SVIL: variants seen among roughly 807,000 people sequenced by gnomAD.
SVIL encodes the protein archvillin.
SVIL carries 101 observed loss-of-function variants against 240.4 expected under a neutral mutation model. The ratio of observed to expected loss-of-function variants is 0.42; its 90% CI spans 0.36 to 0.50. The LOEUF (loss-of-function observed/expected upper bound fraction) is 0.50. Ranked by LOEUF, SVIL falls within the 20% of genes least tolerant of loss-of-function variation. SVIL has a pLI of 0.01. For missense variants in SVIL, 2,512 were observed against 2,818.7 expected (o/e 0.89, Z 2.46); for synonymous variants, 999 against 1,100.0 (o/e 0.91, Z 1.82).
intron 3 of SVIL, among the ~76,000 whole-genome samples, chr10:29,644,199 C>A (rs960132668): frequency 6.6e-6 from 1 of 152,152 alleles, no homozygotes; most frequent in African/African-American, 2.4e-5. Context: ...ACCTGGGAGG[C>A]TCTTCCCTTC....
chr10:29,543,987 T>C (rs1952401751), intron 6 of SVIL, among the ~76,000 whole-genome samples: 4 of 152,168 alleles, frequency 2.6e-5, no homozygotes. Flanking sequence ...GAGAATTGTA[T>C]TACCAGGAAA....
intron 3 of SVIL, among the ~76,000 whole-genome samples, chr10:29,648,205 A>C (rs978154663): frequency 2.6e-5 from 4 of 152,130 alleles, no homozygotes; most frequent in Non-Finnish European, 5.9e-5. Flanking sequence ...AGGTTCACAA[A>C]CGTTACTTGT....
At chr10:29,681,451 T>C (rs531297720) in intron 2 of SVIL, among the ~76,000 whole-genome samples, 1 of 123,726 alleles carries the variant, frequency 8.1e-6, no homozygotes, top group East Asian at 2.3e-4. Context: ...GTACGTGTGT[T>C]GAGAGAGAGA....
At chr10:29,556,686 TTCCTATTTAGAAGACAGGGGTA>T (rs1320777208) in intron 3 of SVIL, among the ~76,000 whole-genome samples, 1 of 152,184 alleles carries the variant, frequency 6.6e-6, no homozygotes, top group Admixed American at 6.5e-5. Flanking sequence ...TCTAATCATG[TTCCTATTTAGAAGACAGGGGTA>T]TAATGAGAAT....
chr10:29,518,125 C>T (rs183013255), intron 16 of SVIL, among the ~76,000 whole-genome samples: 2 of 152,352 alleles, frequency 1.3e-5, no homozygotes, highest in African/African-American at 2.4e-5. Context: ...GTGGTGATCA[C>T]GTCTGCAATC....
At chr10:29,563,039 G>A (rs1016401426) in intron 3 of SVIL, among the ~76,000 whole-genome samples, 162 bp downstream of exon 3, 2 of 152,182 alleles carry the variant, frequency 1.3e-5, no homozygotes, top group Admixed American at 1.3e-4. Context: ...ATGGATGCAT[G>A]GAGAGAGGGG....
chr10:29,497,079 A>G (rs1278304757), intron 18 of SVIL, among the ~76,000 whole-genome samples: 6 of 152,228 alleles, frequency 3.9e-5, no homozygotes, highest in Admixed American at 2.0e-4. Context: ...AGAGTAAATT[A>G]TATTTTCACC....
chr10:29,554,173 T>C (rs1167130164), intron 5 of SVIL, among the ~76,000 whole-genome samples: 1 of 152,036 alleles, frequency 6.6e-6, no homozygotes, highest in Non-Finnish European at 1.5e-5. Context: ...TAGCCAGGCA[T>C]GGTGGCACGC....
intron 33 of SVIL, among the ~76,000 whole-genome samples, chr10:29,466,518 C>G (rs112708776): frequency 2.0e-5 from 3 of 152,024 alleles, no homozygotes; most frequent in African/African-American, 7.2e-5. Context: ...GAATTCCTCT[C>G]AATTAGGAAT....
At chr10:29,661,145 G>A (rs1247083) in intron 2 of SVIL, among the ~76,000 whole-genome samples, 26,860 of 149,862 alleles carry the variant, frequency 0.18, 2,582 homozygotes, top group South Asian at 0.35. Context: ...CTAGCTTGGC[G>A]ACAGAGCAAG....
intron 2 of SVIL, among the ~76,000 whole-genome samples, chr10:29,667,788 A>G (rs1959436207): frequency 6.6e-6 from 1 of 151,898 alleles, no homozygotes; most frequent in Non-Finnish European, 1.5e-5. Flanking sequence ...CCAGGACTTT[A>G]AAGATGCAGG....
At chr10:29,508,183 G>A (rs1348171724) in intron 17 of SVIL, 7 of 337,168 alleles carry the variant, frequency 2.1e-5, no homozygotes, top group Admixed American at 4.0e-5. Context: ...TTAAGGGCAC[G>A]GGCTCAGCTC....
chr10:29,650,688 A>T (rs1199531368), intron 3 of SVIL, among the ~76,000 whole-genome samples: 1 of 152,156 alleles, frequency 6.6e-6, no homozygotes, highest in Non-Finnish European at 1.5e-5. Context: ...ACAGGCTCAT[A>T]CCAGTAATGT....
chr10:29,689,827 A>G (rs1259479271), intron 1 of SVIL, among the ~76,000 whole-genome samples: 4 of 152,190 alleles, frequency 2.6e-5, no homozygotes, highest in African/African-American at 9.7e-5. Context: ...CGTACCTCCC[A>G]CAGATGTATG....
At chr10:29,524,768 G>A (rs1018540961) in intron 13 of SVIL, 53 bp from the exon 14 acceptor site, 21 of 1,598,036 alleles carry the variant, frequency 1.3e-5, no homozygotes, top group Non-Finnish European at 1.5e-5. Flanking sequence ...AAAGCACACC[G>A]CTAAGTTTCT....
At chr10:29,545,853 CAAAAAAAAAAAAAAAAA>C (rs755360700) in intron 6 of SVIL, among the ~76,000 whole-genome samples, 3,098 of 63,840 alleles carry the variant, frequency 0.049, 91 homozygotes, top group Admixed American at 0.12. Flanking sequence ...GACTCTGTCT[CAAAAAAAAAAAAAAAAA>C]AAAAAAAAAG....
intron 1 of SVIL, among the ~76,000 whole-genome samples, chr10:29,582,201 T>G (rs1055928207): frequency 6.6e-6 from 1 of 152,152 alleles, no homozygotes; most frequent in Non-Finnish European, 1.5e-5. Flanking sequence ...TAAACGTGGT[T>G]GAAATGGTAA....
intron 18 of SVIL, among the ~76,000 whole-genome samples, chr10:29,498,231 A>T (rs945824684): frequency 6.6e-6 from 1 of 151,744 alleles, no homozygotes; most frequent in Non-Finnish European, 1.5e-5. Flanking sequence ...CACCTGGCCC[A>T]CATGGTGAAA....
chr10:29,554,996 A>G, intron 4 of SVIL, 55 bp downstream of exon 4: 1 of 1,611,390 alleles, frequency 6.2e-7, no homozygotes, highest in Non-Finnish European at 8.5e-7. Context: ...GGAAAATGGA[A>G]TACTGCTTTG....
Sources: gnomAD v4.1 joint callset for allele counts (sites outside exome capture counted in the v4.1 genomes callset) on GRCh38, gnomAD v4.1.1 for gene constraint, MANE v1.5 for transcripts, NCBI Gene and HGNC (gene_info 2026-07-23, HGNC 2026-07-21) for gene names.